The following KIF16B variants were observed in gnomAD, a reference collection of about 807,000 sequenced individuals.
KIF16B encodes the protein kinesin-like protein KIF16B.
A neutral mutation model predicts 156.3 loss-of-function variants in KIF16B; 98 were observed. The observed-to-expected ratio is 0.63, with a 90% CI of 0.53 to 0.74. KIF16B has a LOEUF of 0.74. Ranked by LOEUF, KIF16B falls within the 30% of genes least tolerant of loss-of-function variation. The pLI is 0.00. For synonymous variants in KIF16B, 564 were observed against 583.7 expected, an observed-to-expected ratio of 0.97 and a Z score of 0.49; for missense variants, 1,421 against 1,606.5, an observed-to-expected ratio of 0.88 and a Z score of 1.97.
Position 16,505,885 on chromosome 20 carries a change from G to A in KIF16B, c.869-32C>T, listed in dbSNP as rs370969440. ...AAAGGAAGAAACAAAGGGGAGAAAG[G>A]ACAATTAGTAAAATTTTTTTTCCTC... On this transcript the variant is annotated intron_variant, in intron 8 of 25. Coordinates refer to ENST00000354981, the MANE Select transcript of KIF16B (RefSeq NM_024704.5). The A allele has an allele frequency of 7.5e-6, 12 of 1,608,778 alleles. No individual in the cohort carries two copies. The African/African-American group carries it at 1.6e-4, about 22-fold the overall frequency.
In KIF16B at chr20:16,379,957, T is replaced by A; in HGVS notation, c.2045A>T (p.Glu682Val). The change falls in exon 19 of 26, where the codon GAG (glutamate) becomes GTG (valine). Residue 682 changes from glutamate (E) to valine (V), a missense_variant. Physicochemically the swap from Glu to Val is moderately radical, Grantham distance 121. Coordinates refer to ENST00000354981, the MANE Select transcript of KIF16B (RefSeq NM_024704.5). ...LLAEKEKFEE[E>V]RLREQQEIEL... Reference sequence around the variant, plus strand: ...GATTTCCTGCTGTTCCCTCAGCCTCTCCTCTTCAAATTTTTCCTTCTCCGC... The same window carrying A: ...GATTTCCTGCTGTTCCCTCAGCCTCACCTCTTCAAATTTTTCCTTCTCCGC... The A allele has an allele frequency of 6.2e-7, 1 of 1,613,108 alleles. No homozygotes were observed. The highest frequency in any genetic ancestry group is 1.3e-5 in the African/African-American group (1 of 74,838).
At chr20:16,327,068 T>TAC (rs35869892) in intron 24 of KIF16B, among the ~76,000 whole-genome samples, 16,363 of 142,862 alleles carry the variant, frequency 0.11, 1,007 homozygotes, top group East Asian at 0.2. Context: ...TGTATACATG[T>TAC]ACACACACAC....
At chr20:16,314,847 A>G (rs2063673380) in intron 24 of KIF16B, among the ~76,000 whole-genome samples, 1 of 152,088 alleles carries the variant, frequency 6.6e-6, no homozygotes, top group African/African-American at 2.4e-5. Flanking sequence ...ACTCAGTGGC[A>G]CAAACACACT....
rs371044644 is a variant in KIF16B, at chr20:16,404,817, G to T, written c.1780C>A (p.Pro594Thr). Reference protein sequence around the residue: ...ENLSAVMLYNPGLEFERQQRE... With the variant: ...ENLSAVMLYNTGLEFERQQRE... Reference sequence around the variant, plus strand: ...GAGATGCTGCTGTTCACTCACCCGGGGTTATACAACATGACTGCAGACAGG... The same window carrying T: ...GAGATGCTGCTGTTCACTCACCCGGTGTTATACAACATGACTGCAGACAGG... The change falls in exon 17 of 26, where the codon CCC (proline) becomes ACC (threonine). Residue 594 changes from proline (P) to threonine (T), a missense_variant. Coordinates refer to ENST00000354981, the MANE Select transcript of KIF16B (RefSeq NM_024704.5). 1.9e-6 allele frequency: 3 copies of T among 1,610,028 alleles called. No individual in the cohort carries two copies. The highest frequency in any genetic ancestry group is 2.7e-5 in the African/African-American group (2 of 74,774).
chr20:16,381,402 T>C (rs1310985608), intron 18 of KIF16B, among the ~76,000 whole-genome samples: 3 of 86,954 alleles, frequency 3.5e-5, no homozygotes, highest in African/African-American at 5.1e-5. Context: ...TTTAAATGAA[T>C]ACATTTTGGT....
chr20:16,514,746 C>A (rs1431726122), intron 4 of KIF16B, among the ~76,000 whole-genome samples: 1 of 151,496 alleles, frequency 6.6e-6, no homozygotes, highest in Non-Finnish European at 1.5e-5. Context: ...CAAAAATTAG[C>A]AGGGCGTGGT....
chr20:16,412,269 T>C (rs1568952144), intron 15 of KIF16B, among the ~76,000 whole-genome samples: 1 of 151,434 alleles, frequency 6.6e-6, no homozygotes, highest in African/African-American at 2.4e-5. Flanking sequence ...TCACAAGTGG[T>C]GTTAGTGGGA....
chr20:16,360,854 G>A (rs1393754631), intron 22 of KIF16B, among the ~76,000 whole-genome samples: 1 of 152,084 alleles, frequency 6.6e-6, no homozygotes, highest in African/African-American at 2.4e-5. Context: ...CCTTCAAAAG[G>A]AACAAATTGA....
intron 1 of KIF16B, among the ~76,000 whole-genome samples, chr20:16,571,471 G>A (rs2071448160): frequency 6.6e-6 from 1 of 152,060 alleles, no homozygotes; most frequent in Non-Finnish European, 1.5e-5. Flanking sequence ...CACTGGCAAG[G>A]CACTGAACTC....
In KIF16B at chr20:16,396,735, G is replaced by A. The variant is rs370349053; in HGVS notation, c.1784+8078C>T. On this transcript the variant is annotated intron_variant, in intron 17 of 25. Transcript: ENST00000354981. The stretch of plus-strand genomic sequence containing the variant: ...AAATACATTTAAGTATCACTCATTC[G>A]TCTTCTTCCCCGATTGTCGGTGACT... Among the ~76,000 whole-genome samples, 17 of 143,828 alleles carry A rather than the reference G, an allele frequency of 1.2e-4. No individual in the cohort carries two copies. In the East Asian group the frequency reaches 1.5e-3, roughly 13 times the overall value. 94.4% of individuals were successfully genotyped at this position (143,828 alleles called of 152,430 possible). A position where few individuals can be genotyped will look rare whatever the true frequency, so the allele number is the denominator to read the frequency against.
chr20:16,508,226 C>T, intron 6 of KIF16B, 126 bp from the exon 7 acceptor site: 1 of 1,071,944 alleles, frequency 9.3e-7, no homozygotes, highest in Non-Finnish European at 1.4e-6. Context: ...CCTCACTTGT[C>T]TCTCTAGGGT....
intron 21 of KIF16B, 76 bp downstream of exon 21, chr20:16,371,589 C>CAAAAAAA: frequency 1.6e-6 from 1 of 623,210 alleles, no homozygotes; most frequent in Non-Finnish European, 2.6e-6. Flanking sequence ...GACTCAGTCT[C>CAAAAAAA]AAAAAAAAAA....
chr20:16,462,747 G>A (rs754995318), intron 12 of KIF16B, among the ~76,000 whole-genome samples: 14 of 152,216 alleles, frequency 9.2e-5, no homozygotes, highest in Non-Finnish European at 8.8e-5. Flanking sequence ...TAACAAAAAC[G>A]AGCCTAAAAA....
intron 23 of KIF16B, among the ~76,000 whole-genome samples, chr20:16,347,473 T>C (rs1188633322): frequency 1.3e-5 from 2 of 152,202 alleles, no homozygotes; most frequent in Non-Finnish European, 2.9e-5. Context: ...AGTCACTTCT[T>C]ACACAGGAAG....
chr20:16,527,799 A>G (rs779969392), intron 2 of KIF16B, among the ~76,000 whole-genome samples: 23 of 152,190 alleles, frequency 1.5e-4, no homozygotes, highest in Non-Finnish European at 2.6e-4. Flanking sequence ...AAAAGCATTC[A>G]GTGCCCTTTA....
chr20:16,369,156 G>A, intron 22 of KIF16B: 1 of 985,848 alleles, frequency 1.0e-6, no homozygotes, highest in Non-Finnish European at 1.2e-6. Context: ...GATGATCCCA[G>A]TGGTCGTTCT....
At chr20:16,534,213 C>A (rs2069867001) in intron 1 of KIF16B, among the ~76,000 whole-genome samples, 1 of 151,990 alleles carries the variant, frequency 6.6e-6, no homozygotes. Context: ...TGAGATCGCG[C>A]CACTTCACTC....
chr20:16,559,054 T>C (rs2070961209), intron 1 of KIF16B, among the ~76,000 whole-genome samples: 1 of 152,182 alleles, frequency 6.6e-6, no homozygotes, highest in Non-Finnish European at 1.5e-5. Flanking sequence ...TAATGTGGAA[T>C]TATTCCAGGT....
At chr20:16,548,675 T>C (rs1417671067) in intron 1 of KIF16B, among the ~76,000 whole-genome samples, 1 of 152,200 alleles carries the variant, frequency 6.6e-6, no homozygotes. Flanking sequence ...CTGTGCCCTG[T>C]CCATGGAAAA....
Sources: gnomAD v4.1 joint callset for allele counts (sites outside exome capture counted in the v4.1 genomes callset) on GRCh38, gnomAD v4.1.1 for gene constraint, MANE v1.5 for transcripts, NCBI Gene and HGNC (gene_info 2026-07-23, HGNC 2026-07-21) for gene names.